DENND3: variants seen among roughly 807,000 people sequenced by gnomAD.
The protein encoded by DENND3 is DENN domain-containing protein 3.
DENND3 carries 88 observed loss-of-function variants against 135.1 expected under a neutral mutation model. The ratio of observed to expected loss-of-function variants is 0.65; its 90% CI spans 0.55 to 0.78. DENND3 has a LOEUF of 0.78. Among genes scored for constraint, DENND3 ranks in the 30% least tolerant of loss-of-function variants. The probability of loss-of-function intolerance (pLI) is 0.00; values close to 1 mark genes in which losing one functional copy is unlikely to be tolerated. For synonymous variants in DENND3, 693 were observed against 712.3 expected (o/e 0.97, Z 0.43); for missense variants, 1,392 against 1,688.4 (o/e 0.82, Z 3.08).
At position 141,182,444 on chromosome 8, in the gene DENND3, A is replaced by C; in HGVS notation, c.2944+1590A>C. The C allele has an allele frequency of 1.0e-6, 1 of 985,292 alleles. No individual in the cohort carries two copies. Among genetic ancestry groups the C allele is most frequent in the South Asian group, 4.7e-5 (1 of 21,284 alleles). The allele number at this position is 985,292 out of a possible 1,614,324, so 61.0% of individuals were successfully genotyped here. A position where few individuals can be genotyped will look rare whatever the true frequency, so the allele number is the denominator to read the frequency against. ...CTCTGTGCTGACTTCGCCAGAGATG[A>C]CTCCACAGACCAAGATACTTTGACC... is the stretch of plus-strand genomic sequence containing the variant. On this transcript the variant is annotated intron_variant, in intron 17 of 22. Coordinates refer to ENST00000519811, the MANE Select transcript of DENND3 (RefSeq NM_001352890.3). The surrounding 1 kb of genome is among the most constrained non-coding windows in gnomAD (Gnocchi z 5.9).
At chr8:141,159,235 C>T (rs1209776188) in intron 8 of DENND3, among the ~76,000 whole-genome samples, 7 of 152,190 alleles carry the variant, frequency 4.6e-5, no homozygotes, top group Admixed American at 6.5e-5. Context: ...CCCAGAATCC[C>T]GTTCTTCCCT....
rs917191567 is a variant in DENND3 at position 141,175,114 on chromosome 8, C to T, written c.2276-86C>T. On this transcript the variant is annotated intron_variant, in intron 13 of 22. Coordinates refer to ENST00000519811, the MANE Select transcript of DENND3 (RefSeq NM_001352890.3). The surrounding 1 kb of genome is among the most constrained non-coding windows in gnomAD (Gnocchi z 5.4). ...CCTGCTGCCGGGTTCCGGTAGTGTG[C>T]GGTTTCTTCAGGTCATGGAGAAGCC... is the stretch of plus-strand genomic sequence containing the variant. The T allele has an allele frequency of 1.2e-5, 18 of 1,473,248 alleles. No individual in the cohort carries two copies. The highest frequency in any genetic ancestry group is 1.5e-5 in the Non-Finnish European group (17 of 1,100,636). The allele number at this position is 1,473,248 out of a possible 1,614,324, so 91.3% of individuals were successfully genotyped here.
At chr8:141,190,882 G>T (rs1251281280) in intron 20 of DENND3, among the ~76,000 whole-genome samples, 1 of 152,242 alleles carries the variant, frequency 6.6e-6, no homozygotes, top group Non-Finnish European at 1.5e-5. Flanking sequence ...CCAGACTGGG[G>T]ATTTTGCCAG....
chr8:141,136,463 C>A, intron 1 of DENND3, 46 bp from the exon 2 acceptor site: 1 of 1,492,660 alleles, frequency 6.7e-7, no homozygotes, highest in Non-Finnish European at 8.9e-7. Context: ...TACCCTCGAA[C>A]AAGAGCTGAG....
At chr8:141,189,867 C>T (rs539214995) in intron 19 of DENND3, among the ~76,000 whole-genome samples, 1 of 152,344 alleles carries the variant, frequency 6.6e-6, no homozygotes, top group Non-Finnish European at 1.5e-5. Flanking sequence ...GCCCATGTCA[C>T]CCGAGAGCTC....
At chr8:141,153,308 G>T (rs1040384276) in intron 7 of DENND3, among the ~76,000 whole-genome samples, 1 of 152,066 alleles carries the variant, frequency 6.6e-6, no homozygotes, top group African/African-American at 2.4e-5. Context: ...TGCCCAGGCT[G>T]GTTTCAAATT....
At position 141,192,604 on chromosome 8, in the gene DENND3, C is replaced by A. The variant is rs1274572691; in HGVS notation, c.3577C>A (p.Gln1193Lys). The A allele has an allele frequency of 6.3e-7, 1 of 1,590,822 alleles. No individual in the cohort carries two copies. ...CCTGAAGGACCTGGCCCAGCCCCCG[C>A]AGAGGGTGCCCCTCGAGGACTGCTC... ...WSLKDLAQPP[Q>K]RVPLEDCSEI... The change falls in exon 22 of 23, where the codon CAG becomes AAG. Residue 1193 changes from glutamine (Q) to lysine (K), a missense_variant. Gln to Lys is a moderately conservative substitution (Grantham distance 53). Transcript: ENST00000519811.
At chr8:141,190,648 T>C in intron 20 of DENND3, 1 of 553,432 alleles carries the variant, frequency 1.8e-6, no homozygotes, top group Non-Finnish European at 3.0e-6. Context: ...ACGGGATGCC[T>C]GTCTTGCCTG....
At chr8:141,172,240 T>G (rs412900) in intron 13 of DENND3, among the ~76,000 whole-genome samples, 1 of 147,290 alleles carries the variant, frequency 6.8e-6, no homozygotes, top group Non-Finnish European at 1.5e-5. Context: ...GTGCACAGTG[T>G]CTGTGGGTGT....
Position 141,128,803 on chromosome 8 carries a change from C to G in DENND3, c.96C>G (p.Leu32=), listed in dbSNP as rs777964497. 103 of 1,437,434 alleles carry G rather than the reference C, an allele frequency of 7.2e-5. No homozygotes were observed. The African/African-American group carries it at 1.3e-3, about 18-fold the overall frequency. The allele number at this position is 1,437,434 out of a possible 1,614,324, so 89.0% of individuals were successfully genotyped here. A position where few individuals can be genotyped will look rare whatever the true frequency, so the allele number is the denominator to read the frequency against. Residue 32 remains leucine, a synonymous_variant, in exon 1 of 23, where the codon CTC becomes CTG. Transcript: ENST00000519811. The surrounding 1 kb of genome is among the most constrained non-coding windows in gnomAD (Gnocchi z 4.5). ...LGAPRDSLRS[L]EQVAYKKGVK... is the part of the protein sequence containing the mutation. Reference sequence around the variant, plus strand: ...CCCCCCGGGACAGTCTCCGAAGTCTCGAGCAGGTGAGGGGCGGGGAAACTG... The same window carrying G: ...CCCCCCGGGACAGTCTCCGAAGTCTGGAGCAGGTGAGGGGCGGGGAAACTG...
chr8:141,195,652 C>T lies in DENND3; in HGVS notation c.*1419C>T, dbSNP rs894203052. ...GCCCGGGCACCTTCCCACTTTCTAG[C>T]TCTGGAGAGGTTGGATTTTGCTTTT... On this transcript the variant is annotated 3_prime_UTR_variant, in exon 23 of 23. Transcript: ENST00000519811. The T allele has an allele frequency of 1.3e-5, 2 of 152,190 alleles. No homozygotes were observed. The highest frequency in any genetic ancestry group is 4.8e-5 in the African/African-American group (2 of 41,444). The allele number at this position is 152,190 out of a possible 1,614,324, so 9.4% of individuals were successfully genotyped here. A position where few individuals can be genotyped will look rare whatever the true frequency, so the allele number is the denominator to read the frequency against.
intron 1 of DENND3, among the ~76,000 whole-genome samples, chr8:141,132,695 G>A (rs140942433): frequency 6.6e-6 from 1 of 152,260 alleles, no homozygotes; most frequent in East Asian, 1.9e-4. Context: ...TGTATTGCTT[G>A]TCCATTGAGA....
intron 16 of DENND3, 52 bp from the exon 17 acceptor site, chr8:141,180,695 G>A (rs976303153): frequency 6.6e-6 from 10 of 1,518,890 alleles, no homozygotes; most frequent in African/African-American, 1.4e-5. Flanking sequence ...GTTGCATCGC[G>A]TCTGTTTCCT....
rs540808856 is a variant in DENND3 at position 141,135,432 on chromosome 8, G to A, written c.103-1077G>A. On this transcript the variant is annotated intron_variant, in intron 1 of 22. Coordinates refer to ENST00000519811, the MANE Select transcript of DENND3 (RefSeq NM_001352890.3). Reference sequence around the variant, plus strand: ...CTCCCAAAGTGCTGGGATCACAGGCGTGAGCCACTGCACCCGGCAATGCTG... The same window carrying A: ...CTCCCAAAGTGCTGGGATCACAGGCATGAGCCACTGCACCCGGCAATGCTG... Among the ~76,000 whole-genome samples the A allele has an allele frequency of 1.1e-4, 16 of 152,292 alleles. No individual in the cohort carries two copies. The South Asian group carries it at 2.5e-3, about 24-fold the overall frequency.
intron 13 of DENND3, among the ~76,000 whole-genome samples, chr8:141,171,524 G>A (rs186820220): frequency 5.0e-4 from 76 of 152,368 alleles, no homozygotes; most frequent in Admixed American, 8.5e-4. Context: ...TATTGGAGGC[G>A]TGTGGGTGAC....
chr8:141,190,468 G>A (rs1224949816), intron 20 of DENND3, 51 bp downstream of exon 20: 1 of 1,533,428 alleles, frequency 6.5e-7, no homozygotes, highest in East Asian at 2.4e-5. Context: ...CCTGCTCTGG[G>A]AAAAGGATGC....
chr8:141,177,950 C>T (rs1237952959), intron 15 of DENND3, 117 bp from the exon 16 acceptor site: 3 of 1,299,120 alleles, frequency 2.3e-6, no homozygotes, highest in African/African-American at 3.0e-5. Flanking sequence ...CTAAACTCTT[C>T]ATGTCACTTT....
In DENND3 at chr8:141,178,093, G is replaced by A; in HGVS notation, c.2733G>A (p.Leu911=). The A allele has an allele frequency of 6.2e-7, 1 of 1,611,612 alleles. No homozygotes were observed. The highest frequency in any genetic ancestry group is 8.5e-7 in the Non-Finnish European group (1 of 1,177,890). Reference sequence around the variant, plus strand: ...ACCCTCACTACGTCCAGCAGGCGCTGACCAACGTCTTGCTGATGGACGCCG... The same window carrying A: ...ACCCTCACTACGTCCAGCAGGCGCTAACCAACGTCTTGCTGATGGACGCCG... ...HKDPHYVQQA[L]TNVLLMDAVV... The change falls in exon 16 of 23, where the codon CTG becomes CTA. Residue 911 remains leucine (L), a synonymous_variant. Coordinates refer to ENST00000519811, the MANE Select transcript of DENND3 (RefSeq NM_001352890.3).
chr8:141,134,601 A>G (rs1816551078), intron 1 of DENND3, among the ~76,000 whole-genome samples: 1 of 152,088 alleles, frequency 6.6e-6, no homozygotes, highest in Non-Finnish European at 1.5e-5. Flanking sequence ...CCTGGTTCCT[A>G]CTGATACATT....
Sources: allele counts gnomAD v4.1 joint callset (sites outside exome capture counted in the v4.1 genomes callset), GRCh38; gene constraint gnomAD v4.1.1; non-coding constraint Gnocchi (gnomAD v3.1); transcripts MANE v1.5; gene names NCBI Gene and HGNC (gene_info 2026-07-23, HGNC 2026-07-21).